The following ERG variants were observed in gnomAD, a reference collection of about 807,000 sequenced individuals.
ERG encodes the protein transcriptional regulator ERG.
ERG carries 9 observed loss-of-function variants against 55.3 expected under a neutral mutation model. That is an observed-to-expected ratio of 0.16 (90% CI 0.10 to 0.28). ERG has a LOEUF of 0.28. Among genes scored for constraint, ERG ranks in the 10% least tolerant of loss-of-function variants. The pLI is 1.00. For synonymous variants in ERG, 223 were observed against 237.3 expected, an observed-to-expected ratio of 0.94 and a Z score of 0.55; for missense variants, 434 against 631.6, an observed-to-expected ratio of 0.69 and a Z score of 3.35.
At chr21:38,481,765 T>C (rs2836434) in intron 1 of ERG, among the ~76,000 whole-genome samples, 18,955 of 152,210 alleles carry the variant, frequency 0.12, 1,290 homozygotes, top group East Asian at 0.26. Context: ...ATCAATATAC[T>C]AGACACCAGC....
chr21:38,383,165 G>C lies in ERG; in HGVS notation c.*238C>G. 1 of 1,227,648 alleles carries C rather than the reference G, an allele frequency of 8.1e-7. No homozygotes were observed. The highest frequency in any genetic ancestry group is 3.2e-4 in the Middle Eastern group (1 of 3,150). The allele number at this position is 1,227,648 out of a possible 1,614,324, so 76.0% of individuals were successfully genotyped here. ...TTCTACATACACTGTCTTTTACAAG[G>C]TCAGTCCACAGATGATATGTCCATA... On this transcript the variant is annotated 3_prime_UTR_variant, in exon 10 of 10. Coordinates refer to ENST00000288319, the MANE Select transcript of ERG (RefSeq NM_182918.4). This position sits in a 1 kb window ranked among gnomAD's most constrained non-coding sequence, Gnocchi z 5.7.
At chr21:38,605,732 A>C (rs7278549) in intron 1 of ERG, among the ~76,000 whole-genome samples, 10,872 of 152,258 alleles carry the variant, frequency 0.071, 691 homozygotes, top group African/African-American at 0.17. Flanking sequence ...TAGCAAAAGT[A>C]GCTGTGTGCC....
At chr21:38,468,496 T>A (rs542718771) in intron 1 of ERG, among the ~76,000 whole-genome samples, 7 of 152,156 alleles carry the variant, frequency 4.6e-5, no homozygotes, top group Non-Finnish European at 8.8e-5. Flanking sequence ...ACAAGAATCA[T>A]GGGATGAATT....
At chr21:38,596,371 C>T (rs918604825) in intron 1 of ERG, among the ~76,000 whole-genome samples, 2 of 152,168 alleles carry the variant, frequency 1.3e-5, no homozygotes, top group Middle Eastern at 3.2e-3. Flanking sequence ...TCTGTGTATT[C>T]CTGAGGACCA....
At chr21:38,592,527 G>C (rs2060106781) in intron 1 of ERG, among the ~76,000 whole-genome samples, 2 of 151,462 alleles carry the variant, frequency 1.3e-5, no homozygotes, top group Admixed American at 6.6e-5. Context: ...TCTAAACCTG[G>C]TTAATAGCCC....
chr21:38,557,077 T>G (rs1233176075), intron 2 of ERG, among the ~76,000 whole-genome samples: 1 of 152,196 alleles, frequency 6.6e-6, no homozygotes, highest in Non-Finnish European at 1.5e-5. Context: ...GACTCTCCAC[T>G]GAACTCACAA....
At chr21:38,609,664 C>A (rs565737207) in intron 1 of ERG, among the ~76,000 whole-genome samples, 2 of 152,290 alleles carry the variant, frequency 1.3e-5, no homozygotes, top group African/African-American at 4.8e-5. Context: ...ATTATAAACA[C>A]ATTTATAGAA....
At chr21:38,626,879 G>A (rs1038517023) in intron 1 of ERG, among the ~76,000 whole-genome samples, 1 of 151,994 alleles carries the variant, frequency 6.6e-6, no homozygotes, top group South Asian at 2.1e-4. Context: ...TTGAAGAAAT[G>A]AAAGCCAAAA....
rs961577883 is a variant in ERG at position 38,460,360 on chromosome 21, GTCT to G, written c.19-14742_19-14740del. 3.3e-5 allele frequency among the ~76,000 whole-genome samples: 5 copies of G among 152,218 alleles called. No homozygotes were observed. The highest frequency in any genetic ancestry group is 1.2e-4 in the African/African-American group (5 of 41,458). ...CGTCTTGGCTAAAAGCCCGGGAATT[GTCT>G]TCTTCTGTGTTGCACTAATATTTTC... On this transcript the variant is annotated intron_variant, in intron 1 of 9. Transcript: ENST00000288319. The surrounding 1 kb of genome is among the most constrained non-coding windows in gnomAD (Gnocchi z 5.0).
intron 1 of ERG, among the ~76,000 whole-genome samples, chr21:38,638,631 G>T (rs984446321): frequency 3.9e-5 from 6 of 152,298 alleles, no homozygotes; most frequent in African/African-American, 1.4e-4. Flanking sequence ...ATGAGTGAGG[G>T]GACCTCCCTG....
intron 2 of ERG, among the ~76,000 whole-genome samples, chr21:38,561,536 T>A (rs1020115475): frequency 9.9e-5 from 15 of 151,590 alleles, no homozygotes; most frequent in Non-Finnish European, 1.9e-4. Flanking sequence ...TCAGAAAAAA[T>A]TGACTTGTTT....
chr21:38,396,765 T>C (rs376145103), intron 6 of ERG, among the ~76,000 whole-genome samples: 11 of 152,174 alleles, frequency 7.2e-5, no homozygotes, highest in African/African-American at 2.7e-4. Flanking sequence ...TTGCCACTTT[T>C]TCCCCTGAGA....
At chr21:38,528,900 A>G (rs989921830) in intron 2 of ERG, among the ~76,000 whole-genome samples, 1 of 152,206 alleles carries the variant, frequency 6.6e-6, no homozygotes, top group African/African-American at 2.4e-5. Context: ...TAATTTTTTA[A>G]AAAGATACTA....
intron 2 of ERG, among the ~76,000 whole-genome samples, chr21:38,515,825 T>A (rs116173244): frequency 6.6e-6 from 1 of 151,790 alleles, no homozygotes; most frequent in Non-Finnish European, 1.5e-5. Context: ...CAAGGATGGT[T>A]CAACATACAC....
At chr21:38,443,533 G>A (rs1490991709) in intron 2 of ERG, among the ~76,000 whole-genome samples, 1 of 152,162 alleles carries the variant, frequency 6.6e-6, no homozygotes, top group Non-Finnish European at 1.5e-5. Flanking sequence ...TCCACCAACT[G>A]ATCTACTGCA....
At chr21:38,608,696 C>CA (rs2060209656) in intron 1 of ERG, among the ~76,000 whole-genome samples, 1 of 152,072 alleles carries the variant, frequency 6.6e-6, no homozygotes, top group African/African-American at 2.4e-5. Context: ...AAAGAAAAGT[C>CA]AGACAATTTC....
chr21:38,369,112 A>G, the ERG span, among the ~76,000 whole-genome samples: 1 of 152,042 alleles, frequency 6.6e-6, no homozygotes. Context: ...AATGTTTTAT[A>G]CTCCTTTGTG....
In ERG at chr21:38,498,351, C is replaced by T. The variant is rs1315520226; in HGVS notation, c.18+12G>A. ...CAAGATTTTGTCAAATTAAAAGGAA[C>T]CCTTTCCTTACCTTAATAGTGCTGG... On this transcript the variant is annotated intron_variant, in intron 1 of 9. Transcript: ENST00000288319. This position sits in a 1 kb window ranked among gnomAD's most constrained non-coding sequence, Gnocchi z 4.6. 2 of 1,600,098 alleles carry T rather than the reference C, an allele frequency of 1.2e-6. No individual in the cohort carries two copies. Among genetic ancestry groups the T allele is most frequent in the African/African-American group, 2.7e-5 (2 of 74,526 alleles).
chr21:38,444,726 G>GA (rs112449752), intron 2 of ERG, among the ~76,000 whole-genome samples: 71,391 of 134,006 alleles, frequency 0.53, 18,612 homozygotes, highest in East Asian at 0.64. Flanking sequence ...CTAAGAGGAG[G>GA]AAAAAAAAAA....
Sources: gnomAD v4.1 joint callset for allele counts (sites outside exome capture counted in the v4.1 genomes callset) on GRCh38, gnomAD v4.1.1 for gene constraint, Gnocchi (gnomAD v3.1) non-coding constraint, MANE v1.5 for transcripts, NCBI Gene and HGNC (gene_info 2026-07-23, HGNC 2026-07-21) for gene names.